GRIP1: variants seen among roughly 807,000 people sequenced by gnomAD.
The protein encoded by GRIP1 is glutamate receptor-interacting protein 1.
GRIP1 carries 45 observed loss-of-function variants against 129.9 expected under a neutral mutation model. The observed-to-expected ratio is 0.35, with a 90% CI of 0.27 to 0.44. The LOEUF is 0.44. Ranked by LOEUF, GRIP1 falls within the 20% of genes least tolerant of loss-of-function variation. The pLI is 1.00. For synonymous variants in GRIP1, 530 were observed against 520.8 expected (o/e 1.02, Z -0.24); for missense variants, 1,196 against 1,396.8 (o/e 0.86, Z 2.29).
At chr12:67,021,069 G>A (rs758858777) in intron 1 of GRIP1, among the ~76,000 whole-genome samples, 1 of 152,080 alleles carries the variant, frequency 6.6e-6, no homozygotes, top group Non-Finnish European at 1.5e-5. Context: ...CTGCACTCCA[G>A]TCTGGATGAC....
At chr12:66,953,175 A>G (rs907650251) in intron 1 of GRIP1, among the ~76,000 whole-genome samples, 1 of 152,242 alleles carries the variant, frequency 6.6e-6, no homozygotes, top group African/African-American at 2.4e-5. Context: ...GATTCATTTT[A>G]TCAATATTTA....
At chr12:67,039,285 T>G (rs180683625) in intron 1 of GRIP1, among the ~76,000 whole-genome samples, 1 of 152,194 alleles carries the variant, frequency 6.6e-6, no homozygotes, top group African/African-American at 2.4e-5. Context: ...CTGAGGAACA[T>G]GTTTAGGTAA....
At chr12:66,527,594 C>G (rs1021439504) in intron 5 of GRIP1, among the ~76,000 whole-genome samples, 1 of 152,040 alleles carries the variant, frequency 6.6e-6, no homozygotes, top group Admixed American at 6.6e-5. Flanking sequence ...TTAATGGATG[C>G]AGCACACCAA....
At chr12:66,493,993 T>C (rs972634619) in intron 7 of GRIP1, among the ~76,000 whole-genome samples, 2 of 152,088 alleles carry the variant, frequency 1.3e-5, no homozygotes, top group African/African-American at 4.8e-5. Context: ...TGGGTATATG[T>C]AAAAAAAGAG....
chr12:66,740,361 A>C (rs916772953), intron 1 of GRIP1, among the ~76,000 whole-genome samples: 1 of 152,176 alleles, frequency 6.6e-6, no homozygotes, highest in African/African-American at 2.4e-5. Flanking sequence ...ATGAGTCATA[A>C]GTGATACAAA....
chr12:66,565,265 T>A (rs1002947568), intron 2 of GRIP1, among the ~76,000 whole-genome samples: 14 of 152,230 alleles, frequency 9.2e-5, no homozygotes, highest in African/African-American at 3.4e-4. Flanking sequence ...AGGTCTAACA[T>A]TTAAGTCTTT....
chr12:66,664,088 T>C (rs944800989), intron 1 of GRIP1, among the ~76,000 whole-genome samples: 9 of 152,102 alleles, frequency 5.9e-5, no homozygotes, highest in Non-Finnish European at 1.2e-4. Context: ...GTTTTGAATC[T>C]ACAAAAGGGA....
At chr12:66,459,487 C>T (rs10219742) in intron 9 of GRIP1, among the ~76,000 whole-genome samples, 30,935 of 152,154 alleles carry the variant, frequency 0.2, 3,387 homozygotes, top group African/African-American at 0.24. Context: ...TGACCCGCTT[C>T]TTCATTGAGA....
intron 1 of GRIP1, among the ~76,000 whole-genome samples, chr12:66,983,136 G>A (rs1199668022): frequency 1.3e-5 from 2 of 152,016 alleles, no homozygotes; most frequent in East Asian, 1.9e-4. Flanking sequence ...ATGGCATTAC[G>A]GCAGTGCCAC....
At chr12:66,873,068 C>T (rs2040323001) in intron 1 of GRIP1, among the ~76,000 whole-genome samples, 2 of 152,166 alleles carry the variant, frequency 1.3e-5, no homozygotes, top group African/African-American at 4.8e-5. Flanking sequence ...CTACAGGTGG[C>T]CTCTCCTGTC....
chr12:66,654,219 G>GA (rs953144263), intron 1 of GRIP1, among the ~76,000 whole-genome samples: 46 of 150,860 alleles, frequency 3.0e-4, no homozygotes, highest in Admixed American at 1.2e-3. Flanking sequence ...TGATCTTAAA[G>GA]AAAAAAAAAT....
At chr12:66,648,070 C>T (rs2032507971) in intron 1 of GRIP1, among the ~76,000 whole-genome samples, 1 of 152,176 alleles carries the variant, frequency 6.6e-6, no homozygotes. Context: ...CCTCCACCCA[C>T]TCTTCCCCCC....
chr12:66,391,280 T>A (rs2056575462), intron 19 of GRIP1, among the ~76,000 whole-genome samples: 1 of 152,198 alleles, frequency 6.6e-6, no homozygotes, highest in African/African-American at 2.4e-5. Flanking sequence ...GAGGCTGGAA[T>A]TTACATAGAA....
At chr12:67,033,057 G>C (rs1171094438) in intron 1 of GRIP1, among the ~76,000 whole-genome samples, 1 of 151,932 alleles carries the variant, frequency 6.6e-6, no homozygotes. Context: ...GCAATATGTG[G>C]CTAGTAGCAA....
In GRIP1 at chr12:66,515,011, C is replaced by A. The variant is rs528115153; in HGVS notation, c.724+608G>T. Among the ~76,000 whole-genome samples, 10 of 152,232 alleles carry A rather than the reference C, an allele frequency of 6.6e-5. No homozygotes were observed. In the South Asian group the frequency reaches 1.4e-3, roughly 22 times the overall value. ...TGGCTCTCTTAACATTTAAGATCCACATGAGAATATCTTGTCGGTTTTACT... is the reference window on the plus strand; with the variant it reads ...TGGCTCTCTTAACATTTAAGATCCAAATGAGAATATCTTGTCGGTTTTACT... On this transcript the variant is annotated intron_variant, in intron 7 of 24. Transcript: ENST00000359742.
intron 1 of GRIP1, among the ~76,000 whole-genome samples, chr12:66,815,820 A>ATTTTTCTTTCTTTC (rs1555241749): frequency 8.4e-6 from 1 of 118,568 alleles, no homozygotes; most frequent in African/African-American, 3.7e-5. Context: ...AAGATGAAAG[A>ATTTTTCTTTCTTTC]TTTCTTTCTT....
chr12:66,998,421 T>C (rs961014387), intron 1 of GRIP1, among the ~76,000 whole-genome samples: 8 of 148,554 alleles, frequency 5.4e-5, no homozygotes, highest in African/African-American at 1.9e-4. Flanking sequence ...ACTTTTCTGA[T>C]AAAAAAAAAT....
At chr12:66,841,900 C>T (rs2039724675) in intron 1 of GRIP1, among the ~76,000 whole-genome samples, 1 of 152,134 alleles carries the variant, frequency 6.6e-6, no homozygotes, top group African/African-American at 2.4e-5. Flanking sequence ...TAAAGACACA[C>T]ATAATAAAAA....
intron 1 of GRIP1, among the ~76,000 whole-genome samples, chr12:66,600,364 A>AAAAGGTCAAATGACAAGGAAAG (rs2064226714): frequency 6.6e-6 from 1 of 152,242 alleles, no homozygotes; most frequent in Non-Finnish European, 1.5e-5. Flanking sequence ...ACGAACAAAA[A>AAAAGGTCAAATGACAAGGAAAG]AAAGGTCAAA....
Sources: allele counts gnomAD v4.1 joint callset (sites outside exome capture counted in the v4.1 genomes callset), GRCh38; gene constraint gnomAD v4.1.1; transcripts MANE v1.5; gene names NCBI Gene and HGNC (gene_info 2026-07-23, HGNC 2026-07-21).